The following CNTN5 variants were observed in gnomAD, a reference collection of about 807,000 sequenced individuals.
CNTN5 encodes the protein contactin-5.
Under a neutral mutation model 129.1 loss-of-function variants are expected in CNTN5, and 77 were observed. That is an observed-to-expected ratio of 0.60 (90% CI 0.50 to 0.72). The LOEUF is 0.72. Among genes scored for constraint, CNTN5 ranks in the 30% least tolerant of loss-of-function variants. CNTN5 has a pLI of 0.00. For missense variants in CNTN5, 1,478 were observed against 1,328.8 expected (o/e 1.11, Z -1.75); for synonymous variants, 509 against 465.6 (o/e 1.09, Z -1.20).
At chr11:99,699,453 T>C (rs1466363577) in intron 3 of CNTN5, among the ~76,000 whole-genome samples, 1 of 151,490 alleles carries the variant, frequency 6.6e-6, no homozygotes, top group Non-Finnish European at 1.5e-5. Flanking sequence ...TATTATGCAT[T>C]GAGGTATCAT....
intron 3 of CNTN5, among the ~76,000 whole-genome samples, chr11:99,795,323 T>C (rs1945893906): frequency 6.6e-6 from 1 of 152,190 alleles, no homozygotes; most frequent in African/African-American, 2.4e-5. Flanking sequence ...TCTGTATCAT[T>C]TTATTGTATT....
intron 4 of CNTN5, among the ~76,000 whole-genome samples, chr11:99,843,876 T>C (rs1458672290): frequency 2.0e-5 from 3 of 152,156 alleles, no homozygotes; most frequent in Non-Finnish European, 2.9e-5. Flanking sequence ...CTTTACTTTT[T>C]CACAAATTCA....
rs1415439011 is a variant in CNTN5 at position 100,356,228 on chromosome 11, T to G, written c.*8T>G. On this transcript the variant is annotated 3_prime_UTR_variant, in exon 25 of 25. Coordinates refer to ENST00000524871, the MANE Select transcript of CNTN5 (RefSeq NM_014361.4). ...CCTTCAACTTCCTGGTGAAAACTGCTGACTTAATTTGCTTTTGTTTGCTTT... is the reference window on the plus strand; with the variant it reads ...CCTTCAACTTCCTGGTGAAAACTGCGGACTTAATTTGCTTTTGTTTGCTTT... The G allele has an allele frequency of 6.3e-7, 1 of 1,579,832 alleles. No homozygotes were observed. The highest frequency in any genetic ancestry group is 8.7e-7 in the Non-Finnish European group (1 of 1,153,706).
At chr11:100,004,899 G>A (rs1386014722) in intron 9 of CNTN5, among the ~76,000 whole-genome samples, 1 of 152,088 alleles carries the variant, frequency 6.6e-6, no homozygotes, top group Non-Finnish European at 1.5e-5. Flanking sequence ...TTTTCCTCTT[G>A]CCTTCTCATC....
At chr11:100,316,828 A>T (rs1951581584) in intron 21 of CNTN5, among the ~76,000 whole-genome samples, 1 of 152,204 alleles carries the variant, frequency 6.6e-6, no homozygotes. Context: ...AACAATAAGC[A>T]ACAATGTATT....
At chr11:99,890,378 C>G (rs1425155981) in intron 6 of CNTN5, among the ~76,000 whole-genome samples, 1 of 151,870 alleles carries the variant, frequency 6.6e-6, no homozygotes, top group African/African-American at 2.4e-5. Context: ...TTCCTTCTCT[C>G]TCTTCCTTAT....
chr11:100,291,651 A>T (rs1370214132), intron 18 of CNTN5, among the ~76,000 whole-genome samples: 2 of 151,660 alleles, frequency 1.3e-5, no homozygotes, highest in Admixed American at 1.3e-4. Context: ...ACCTAATGCT[A>T]GATGACGAGT....
chr11:99,154,247 T>G (rs898733156), intron 1 of CNTN5, among the ~76,000 whole-genome samples: 1 of 152,282 alleles, frequency 6.6e-6, no homozygotes, highest in Non-Finnish European at 1.5e-5. Flanking sequence ...ATGGGTGGGT[T>G]ATGGTTGCCA....
intron 21 of CNTN5, among the ~76,000 whole-genome samples, chr11:100,337,804 G>C (rs531707159): frequency 1.3e-5 from 2 of 152,186 alleles, no homozygotes; most frequent in African/African-American, 4.8e-5. Flanking sequence ...AGCTCAGAGG[G>C]AGATGGGCAA....
At chr11:99,470,056 G>T (rs1433371601) in intron 2 of CNTN5, among the ~76,000 whole-genome samples, 1 of 152,172 alleles carries the variant, frequency 6.6e-6, no homozygotes, top group Non-Finnish European at 1.5e-5. Flanking sequence ...ATGAGGTGGT[G>T]AATTCAGAAT....
chr11:99,654,853 G>A (rs1952291677), intron 3 of CNTN5, among the ~76,000 whole-genome samples: 1 of 151,772 alleles, frequency 6.6e-6, no homozygotes, highest in Non-Finnish European at 1.5e-5. Flanking sequence ...GTTGCCTGAT[G>A]TACACAGCAA....
intron 1 of CNTN5, among the ~76,000 whole-genome samples, chr11:99,127,086 A>G (rs1207019627): frequency 1.3e-5 from 2 of 152,154 alleles, no homozygotes; most frequent in African/African-American, 4.8e-5. Flanking sequence ...TCAGAACTCA[A>G]TAGTTCATGG....
intron 1 of CNTN5, among the ~76,000 whole-genome samples, chr11:99,320,009 G>A (rs372027916): frequency 6.6e-6 from 1 of 152,184 alleles, no homozygotes; most frequent in Admixed American, 6.5e-5. Flanking sequence ...GGAGGCAGAG[G>A]CTGGTGGATC....
chr11:99,582,076 C>A (rs1286338969), intron 3 of CNTN5, among the ~76,000 whole-genome samples: 1 of 152,022 alleles, frequency 6.6e-6, no homozygotes, highest in East Asian at 1.9e-4. Flanking sequence ...ATTTCTCCTT[C>A]ACTTATGAAG....
rs1949578851 is a variant in CNTN5, at chr11:99,908,820, T to C, written c.578-7234T>C. On this transcript the variant is annotated intron_variant, in intron 6 of 24. Transcript: ENST00000524871. ...TTGCAATTTACTGTTTCACTTATGA[T>C]GTAATTAAAAGTGTCTTTTTCAAGG... Among the ~76,000 whole-genome samples the C allele has an allele frequency of 4.6e-5, 7 of 152,134 alleles. No individual in the cohort carries two copies. In the South Asian group the frequency reaches 1.2e-3, roughly 27 times the overall value.
chr11:99,786,198 C>G (rs879201574), intron 3 of CNTN5, among the ~76,000 whole-genome samples: 1 of 152,010 alleles, frequency 6.6e-6, no homozygotes, highest in African/African-American at 2.4e-5. Context: ...AAAAGAATTC[C>G]TATACACCAA....
chr11:100,349,538 T>C (rs954298736), intron 23 of CNTN5, among the ~76,000 whole-genome samples: 2 of 151,892 alleles, frequency 1.3e-5, no homozygotes, highest in South Asian at 2.1e-4. Flanking sequence ...GTAGAATAAA[T>C]TGAAGTTTAC....
rs1230356106 is a variant in CNTN5 at position 99,679,041 on chromosome 11, A to G, written c.55+122772A>G. 3.4e-5 allele frequency among the ~76,000 whole-genome samples: 5 copies of G among 147,572 alleles called. No individual in the cohort carries two copies. The South Asian group carries it at 8.4e-4, about 25-fold the overall frequency. On this transcript the variant is annotated intron_variant, in intron 3 of 24. Coordinates refer to ENST00000524871, the MANE Select transcript of CNTN5 (RefSeq NM_014361.4). ...TCTTTTAAATATATATATAAAATAT[A>G]TGCATTTTATATATACTTATATATG...
chr11:99,286,415 A>G (rs1863942936), intron 1 of CNTN5, among the ~76,000 whole-genome samples: 1 of 152,198 alleles, frequency 6.6e-6, no homozygotes, highest in Non-Finnish European at 1.5e-5. Flanking sequence ...TTTGAACTTG[A>G]CAAACAGCTG....
Sources: gnomAD v4.1 joint callset for allele counts (sites outside exome capture counted in the v4.1 genomes callset) on GRCh38, gnomAD v4.1.1 for gene constraint, MANE v1.5 for transcripts, NCBI Gene and HGNC (gene_info 2026-07-23, HGNC 2026-07-21) for gene names.